Variants in SCFD2 observed in about 807,000 individuals in gnomAD.
The protein encoded by SCFD2 is sec1 family domain-containing protein 2.
In SCFD2, 54 loss-of-function variants were observed where a neutral mutation model predicts 58.9. The ratio of observed to expected loss-of-function variants is 0.92; its 90% CI spans 0.74 to 1.15. SCFD2 has a LOEUF of 1.15. Ranked by LOEUF, SCFD2 falls within the 50% of genes most tolerant of loss-of-function variation. The probability of loss-of-function intolerance (pLI) is 0.00; values close to 1 mark genes in which losing one functional copy is unlikely to be tolerated. For missense variants in SCFD2, 805 were observed against 836.6 expected (o/e 0.96, Z 0.47); for synonymous variants, 321 against 335.9 (o/e 0.96, Z 0.49).
rs1311428421 is a variant in SCFD2, at chr4:53,254,855, ATTTTATTTAT to A, written c.1311+18961_1311+18970del. 4.4e-3 allele frequency among the ~76,000 whole-genome samples: 567 copies of A among 130,036 alleles called. 4 individuals carry two copies. Among genetic ancestry groups the A allele is most frequent in the African/African-American group, 0.01 (353 of 34,790 alleles). The allele number at this position is 130,036 out of a possible 152,430, so 85.3% of individuals were successfully genotyped here. The stretch of plus-strand genomic sequence containing the variant: ...ATTTTATTTTATTTTATTTTATTTT[ATTTTATTTAT>A]TTTATTTTATTTTATTTTATTTTTT... On this transcript the variant is annotated intron_variant, in intron 4 of 8. Transcript: ENST00000401642.
chr4:53,245,568 T>A (rs1359239228), intron 4 of SCFD2, among the ~76,000 whole-genome samples: 1 of 152,126 alleles, frequency 6.6e-6, no homozygotes, highest in African/African-American at 2.4e-5. Flanking sequence ...TCCCTTCATG[T>A]TGAAAACACT....
chr4:53,267,335 G>A (rs1007422149), intron 4 of SCFD2, among the ~76,000 whole-genome samples: 3 of 151,980 alleles, frequency 2.0e-5, no homozygotes, highest in African/African-American at 7.3e-5. Flanking sequence ...CTGTAAAAGG[G>A]GCAGCTGCCC....
chr4:53,281,722 T>C (rs1490912039), intron 3 of SCFD2, among the ~76,000 whole-genome samples: 1 of 152,232 alleles, frequency 6.6e-6, no homozygotes, highest in African/African-American at 2.4e-5. Context: ...TGCAACACCT[T>C]TTCCCCTCAC....
chr4:52,904,083 A>G (rs1399068650), intron 7 of SCFD2, among the ~76,000 whole-genome samples: 1 of 152,176 alleles, frequency 6.6e-6, no homozygotes, highest in Admixed American at 6.5e-5. Flanking sequence ...TCTCTTTCCC[A>G]GCACATCTCT....
intron 5 of SCFD2, among the ~76,000 whole-genome samples, chr4:52,928,005 T>G (rs2109493454): frequency 6.6e-6 from 1 of 152,306 alleles, no homozygotes; most frequent in Non-Finnish European, 1.5e-5. Flanking sequence ...ATCAATTTCA[T>G]GTTTAATAAC....
At chr4:53,021,188 G>T (rs1722340508) in intron 5 of SCFD2, among the ~76,000 whole-genome samples, 1 of 152,110 alleles carries the variant, frequency 6.6e-6, no homozygotes, top group Non-Finnish European at 1.5e-5. Flanking sequence ...TCATGACAGA[G>T]TTGCCACATG....
intron 5 of SCFD2, among the ~76,000 whole-genome samples, chr4:53,010,242 A>C (rs1324862718): frequency 6.6e-6 from 1 of 152,210 alleles, no homozygotes; most frequent in Non-Finnish European, 1.5e-5. Flanking sequence ...GATCTTGTTT[A>C]TTCCTGACAG....
intron 4 of SCFD2, among the ~76,000 whole-genome samples, chr4:53,238,586 G>A (rs1478446677): frequency 6.7e-6 from 1 of 148,152 alleles, no homozygotes; most frequent in Non-Finnish European, 1.5e-5. Flanking sequence ...CGGGCGGAGG[G>A]GCTCCTCACT....
chr4:52,977,632 G>C (rs923292079), intron 5 of SCFD2, among the ~76,000 whole-genome samples: 1 of 152,178 alleles, frequency 6.6e-6, no homozygotes, highest in African/African-American at 2.4e-5. Flanking sequence ...GGAAGTATCT[G>C]TGGCAGACAG....
intron 3 of SCFD2, among the ~76,000 whole-genome samples, chr4:53,309,128 G>A (rs1044918532): frequency 4.7e-5 from 7 of 148,632 alleles, no homozygotes; most frequent in South Asian, 2.1e-4. Context: ...GCAAGACTTC[G>A]TCTCAAAAAA....
intron 5 of SCFD2, among the ~76,000 whole-genome samples, chr4:52,973,737 A>G (rs1039127279): frequency 3.3e-5 from 5 of 152,256 alleles, no homozygotes; most frequent in African/African-American, 1.2e-4. Context: ...TTAGACCAAT[A>G]TCCCTGATGA....
At chr4:53,272,253 G>T (rs1224032915) in intron 4 of SCFD2, among the ~76,000 whole-genome samples, 1 of 151,944 alleles carries the variant, frequency 6.6e-6, no homozygotes, top group Admixed American at 6.5e-5. Context: ...TACACTGTTG[G>T]CACTGTAAAC....
intron 5 of SCFD2, among the ~76,000 whole-genome samples, chr4:52,923,430 A>T (rs1188428515): frequency 6.6e-6 from 1 of 151,956 alleles, no homozygotes; most frequent in Non-Finnish European, 1.5e-5. Context: ...GTGAGCTGAG[A>T]TCGTGCCACA....
At chr4:53,330,783 T>TG (rs1265989188) in intron 2 of SCFD2, among the ~76,000 whole-genome samples, 3 of 152,112 alleles carry the variant, frequency 2.0e-5, no homozygotes, top group East Asian at 3.9e-4. Flanking sequence ...ATGCTCCAAT[T>TG]AAAAGACACA....
chr4:52,978,225 C>T (rs1721296160), intron 5 of SCFD2, among the ~76,000 whole-genome samples: 1 of 152,076 alleles, frequency 6.6e-6, no homozygotes, highest in Admixed American at 6.6e-5. Context: ...GGACAGCAGG[C>T]CCAACAGAGA....
At chr4:53,112,632 C>T (rs565754840) in intron 5 of SCFD2, among the ~76,000 whole-genome samples, 10 of 152,090 alleles carry the variant, frequency 6.6e-5, no homozygotes, top group Admixed American at 1.3e-4. Flanking sequence ...GTTTTAGAAC[C>T]AGGCTCAGGT....
At chr4:53,355,509 G>A (rs576191757) in intron 1 of SCFD2, among the ~76,000 whole-genome samples, 57 of 152,206 alleles carry the variant, frequency 3.7e-4, no homozygotes, top group African/African-American at 1.0e-3. Flanking sequence ...CTAAGCTCTC[G>A]TAATCTCTTT....
intron 2 of SCFD2, among the ~76,000 whole-genome samples, chr4:53,344,084 G>A (rs1250033005): frequency 6.6e-6 from 1 of 151,890 alleles, no homozygotes; most frequent in African/African-American, 2.4e-5. Flanking sequence ...ACATAGTGTT[G>A]GAAGTTCTGG....
intron 2 of SCFD2, among the ~76,000 whole-genome samples, chr4:53,350,574 A>G (rs1461994151): frequency 6.6e-6 from 1 of 152,216 alleles, no homozygotes; most frequent in Non-Finnish European, 1.5e-5. Context: ...TATGTTGAAA[A>G]CATAGGACTC....
Sources: gnomAD v4.1 joint callset for allele counts (sites outside exome capture counted in the v4.1 genomes callset) on GRCh38, gnomAD v4.1.1 for gene constraint, MANE v1.5 for transcripts, NCBI Gene and HGNC (gene_info 2026-07-23, HGNC 2026-07-21) for gene names.